The following DLG2 variants were observed in gnomAD, a reference collection of about 807,000 sequenced individuals.
DLG2 encodes disks large homolog 2.
Under a neutral mutation model 132.5 loss-of-function variants are expected in DLG2, and 45 were observed. The ratio of observed to expected loss-of-function variants is 0.34; its 90% CI spans 0.27 to 0.44. The LOEUF is 0.44. Among genes scored for constraint, DLG2 ranks in the 20% least tolerant of loss-of-function variants. The pLI is 1.00. For synonymous variants in DLG2, 424 were observed against 419.6 expected (o/e 1.01, Z -0.13); for missense variants, 1,045 against 1,196.9 (o/e 0.87, Z 1.87).
At chr11:85,266,580 C>T (rs1000430801) in intron 4 of DLG2, among the ~76,000 whole-genome samples, 2 of 151,598 alleles carry the variant, frequency 1.3e-5, no homozygotes, top group African/African-American at 4.9e-5. Flanking sequence ...GCATGTTCTG[C>T]ACATGTATCC....
intron 3 of DLG2, among the ~76,000 whole-genome samples, chr11:85,424,841 C>G (rs974931323): frequency 6.6e-6 from 1 of 152,142 alleles, no homozygotes; most frequent in East Asian, 1.9e-4. Context: ...GAACAATTCC[C>G]TCACCAAACA....
At chr11:85,563,102 G>C (rs1173912438) in intron 3 of DLG2, among the ~76,000 whole-genome samples, 1 of 151,750 alleles carries the variant, frequency 6.6e-6, no homozygotes, top group East Asian at 1.9e-4. Context: ...GACAGACATA[G>C]AGTCAGATAG....
chr11:83,484,568 A>C (rs2093375836), intron 21 of DLG2, among the ~76,000 whole-genome samples: 1 of 152,046 alleles, frequency 6.6e-6, no homozygotes, highest in African/African-American at 2.4e-5. Flanking sequence ...TAGAAAGGGA[A>C]TTGAATGTCT....
intron 6 of DLG2, among the ~76,000 whole-genome samples, chr11:85,054,949 A>G (rs2063300268): frequency 6.6e-6 from 1 of 152,184 alleles, no homozygotes; most frequent in Admixed American, 6.6e-5. Context: ...CATACCCAGT[A>G]CGAACGCAGC....
At chr11:85,224,190 T>C (rs2074836759) in intron 4 of DLG2, among the ~76,000 whole-genome samples, 1 of 152,148 alleles carries the variant, frequency 6.6e-6, no homozygotes, top group Non-Finnish European at 1.5e-5. Context: ...ACCTCTCCCA[T>C]ATGAATTTCT....
intron 18 of DLG2, among the ~76,000 whole-genome samples, chr11:83,695,379 C>T (rs1166959290): frequency 6.6e-6 from 1 of 152,120 alleles, no homozygotes; most frequent in Non-Finnish European, 1.5e-5. Context: ...ATATGAGGTG[C>T]TTAGCGATCA....
At chr11:85,416,783 C>G (rs1179101180) in intron 3 of DLG2, among the ~76,000 whole-genome samples, 1 of 152,128 alleles carries the variant, frequency 6.6e-6, no homozygotes, top group South Asian at 2.1e-4. Context: ...GATTTTTGGA[C>G]ATTAATTTTG....
At chr11:83,785,865 C>T (rs959327284) in intron 18 of DLG2, among the ~76,000 whole-genome samples, 2 of 152,220 alleles carry the variant, frequency 1.3e-5, no homozygotes, top group African/African-American at 4.8e-5. Flanking sequence ...CTCCTCTTTG[C>T]TAGCCATATG....
chr11:85,331,924 C>T (rs1007860387), intron 3 of DLG2, among the ~76,000 whole-genome samples: 1 of 152,168 alleles, frequency 6.6e-6, no homozygotes, highest in Non-Finnish European at 1.5e-5. Context: ...CTACAATAAA[C>T]ATACAAGTAC....
intron 19 of DLG2, among the ~76,000 whole-genome samples, chr11:83,606,979 A>G (rs1257352444): frequency 1.3e-5 from 2 of 152,216 alleles, no homozygotes; most frequent in Non-Finnish European, 1.5e-5. Flanking sequence ...AATTTAAAGG[A>G]GTTTAATTGA....
At chr11:85,161,034 T>A (rs2152472226) in intron 4 of DLG2, among the ~76,000 whole-genome samples, 1 of 152,348 alleles carries the variant, frequency 6.6e-6, no homozygotes, top group African/African-American at 2.4e-5. Context: ...TTTGGCTAGA[T>A]GGTCAGGGAC....
chr11:83,936,740 G>A (rs1440587496), intron 14 of DLG2, among the ~76,000 whole-genome samples: 3 of 152,154 alleles, frequency 2.0e-5, no homozygotes, highest in South Asian at 2.1e-4. Flanking sequence ...GCTCTCTCAC[G>A]GCAGTGGGTT....
At chr11:84,782,791 T>C (rs2072068507) in intron 6 of DLG2, among the ~76,000 whole-genome samples, 1 of 152,188 alleles carries the variant, frequency 6.6e-6, no homozygotes, top group African/African-American at 2.4e-5. Context: ...TGAATACACT[T>C]ACAGTCCTAC....
chr11:83,874,609 C>T (rs920231531), intron 15 of DLG2, 121 bp from the exon 16 acceptor site: 1 of 583,602 alleles, frequency 1.7e-6, no homozygotes, highest in South Asian at 3.4e-5. Context: ...CATATGTATA[C>T]ATGTGCCATG....
intron 15 of DLG2, among the ~76,000 whole-genome samples, chr11:83,901,290 G>C (rs1024277348): frequency 6.6e-6 from 1 of 152,180 alleles, no homozygotes; most frequent in Non-Finnish European, 1.5e-5. Context: ...TTGTTGGGAA[G>C]GCATGATTGG....
intron 6 of DLG2, among the ~76,000 whole-genome samples, chr11:84,575,998 GT>G (rs1259019046): frequency 1.3e-5 from 2 of 152,140 alleles, no homozygotes; most frequent in African/African-American, 4.8e-5. Flanking sequence ...GAACCTGGCT[GT>G]TTCCTCTTCC....
intron 17 of DLG2, among the ~76,000 whole-genome samples, chr11:83,789,076 T>G (rs966616613): frequency 1.8e-4 from 27 of 152,152 alleles, no homozygotes; most frequent in African/African-American, 6.5e-4. Context: ...AAGCTCAACT[T>G]CTCACAACCA....
intron 7 of DLG2, among the ~76,000 whole-genome samples, chr11:84,341,763 A>G (rs918727622): frequency 5.9e-5 from 9 of 152,266 alleles, no homozygotes; most frequent in Non-Finnish European, 1.3e-4. Flanking sequence ...GTAGTGAAGT[A>G]TCAATCAGGT....
chr11:84,095,999 T>C (rs2154175477), intron 10 of DLG2, among the ~76,000 whole-genome samples: 1 of 152,130 alleles, frequency 6.6e-6, no homozygotes, highest in South Asian at 2.1e-4. Context: ...AACAGCAAAC[T>C]CTGTTATGTT....
Sources: gnomAD v4.1 joint callset for allele counts (sites outside exome capture counted in the v4.1 genomes callset) on GRCh38, gnomAD v4.1.1 for gene constraint, MANE v1.5 for transcripts, NCBI Gene and HGNC (gene_info 2026-07-23, HGNC 2026-07-21) for gene names.